The following SOX13 variants were observed in gnomAD, a reference collection of about 807,000 sequenced individuals.
SOX13 encodes transcription factor SOX-13.
A neutral mutation model predicts 71.8 loss-of-function variants in SOX13; 28 were observed. The ratio of observed to expected loss-of-function variants is 0.39; its 90% CI spans 0.29 to 0.53. SOX13 has a LOEUF of 0.53. Among genes scored for constraint, SOX13 ranks in the 20% least tolerant of loss-of-function variants. SOX13 has a pLI of 0.70. For missense variants in SOX13, 627 were observed against 810.3 expected, an observed-to-expected ratio of 0.77 and a Z score of 2.75; for synonymous variants, 309 against 317.8, an observed-to-expected ratio of 0.97 and a Z score of 0.29.
chr1:204,075,100 A>G (rs1558207213), intron 1 of SOX13, among the ~76,000 whole-genome samples: 1 of 152,156 alleles, frequency 6.6e-6, no homozygotes, highest in Non-Finnish European at 1.5e-5. Flanking sequence ...TATCCCCCAA[A>G]GGATCACGAC....
chr1:204,101,504 T>TAAA (rs781502804), intron 1 of SOX13, among the ~76,000 whole-genome samples: 2 of 134,588 alleles, frequency 1.5e-5, no homozygotes, highest in African/African-American at 2.9e-5. Context: ...CCTCTTTATT[T>TAAA]AAAAAAAAAA....
At chr1:204,118,259 C>T (rs978418645) in intron 7 of SOX13, 1 of 149,830 alleles carries the variant, frequency 6.7e-6, no homozygotes, top group Non-Finnish European at 1.5e-5. Context: ...TGCACTCCAG[C>T]CTAGGTGACA....
At chr1:204,095,522 C>T (rs535140283) in intron 1 of SOX13, among the ~76,000 whole-genome samples, 2 of 152,148 alleles carry the variant, frequency 1.3e-5, no homozygotes, top group African/African-American at 4.8e-5. Flanking sequence ...GGCAGCCGCT[C>T]TCCAGCCCTG....
At chr1:204,105,639 C>T (rs1656454801) in intron 1 of SOX13, among the ~76,000 whole-genome samples, 1 of 152,098 alleles carries the variant, frequency 6.6e-6, no homozygotes, top group African/African-American at 2.4e-5. Context: ...CCCCTGACCT[C>T]AGGTGATCAA....
intron 1 of SOX13, among the ~76,000 whole-genome samples, chr1:204,092,389 CCACTGCAGCCTTGACCTCCTAGGCT>C (rs779793858): frequency 2.6e-5 from 4 of 151,566 alleles, no homozygotes; most frequent in South Asian, 2.1e-4. Context: ...TGATCATGGC[CCACTGCAGCCTTGACCTCCTAGGCT>C]CAAGCAGTCC....
chr1:204,108,244 C>T (rs184561832), intron 1 of SOX13, among the ~76,000 whole-genome samples: 12 of 152,304 alleles, frequency 7.9e-5, no homozygotes, highest in Non-Finnish European at 1.2e-4. Flanking sequence ...TAATCAGTAA[C>T]CATTACTAAT....
chr1:204,094,476 G>T (rs542531548), intron 1 of SOX13, among the ~76,000 whole-genome samples: 2 of 152,326 alleles, frequency 1.3e-5, no homozygotes, highest in Admixed American at 1.3e-4. Context: ...TGACCCCATT[G>T]TTGACCCCCT....
intron 1 of SOX13, among the ~76,000 whole-genome samples, chr1:204,090,625 G>T (rs1656122676): frequency 6.6e-6 from 1 of 151,960 alleles, no homozygotes; most frequent in Non-Finnish European, 1.5e-5. Flanking sequence ...TGGCCAGGCT[G>T]GTCTTGAACT....
intron 2 of SOX13, among the ~76,000 whole-genome samples, chr1:204,113,707 G>A: frequency 6.6e-6 from 1 of 152,078 alleles, no homozygotes; most frequent in East Asian, 1.9e-4. Context: ...AAAGAATCCA[G>A]CCTGGAGGAA....
chr1:204,114,732 T>C, intron 4 of SOX13, 127 bp downstream of exon 4: 1 of 736,400 alleles, frequency 1.4e-6, no homozygotes, highest in East Asian at 2.6e-5. Flanking sequence ...GGCTCCTGCC[T>C]GGCCTTAGGG....
chr1:204,124,776 A>G lies in SOX13; in HGVS notation c.1511A>G (p.Glu504Gly). Reference sequence around the variant, plus strand: ...CGGCCCAAGCGCACCTGCATCGTGGAGGGCAAGCGGCTGCGCGTGGGAGAG... The same window carrying G: ...CGGCCCAAGCGCACCTGCATCGTGGGGGGCAAGCGGCTGCGCGTGGGAGAG... ...KPRPKRTCIV[E>G]GKRLRVGEYK... is the part of the protein sequence containing the mutation. The change falls in exon 13 of 14, where the codon GAG becomes GGG. Residue 504 changes from glutamate (E) to glycine (G), a missense_variant. This residue lies in a region of SOX13 where 148 missense variants were observed against 192.7 expected (regional missense o/e 0.77). Transcript: ENST00000367204. 3 of 1,603,966 alleles carry G rather than the reference A, an allele frequency of 1.9e-6. No homozygotes were observed. The highest frequency in any genetic ancestry group is 2.6e-6 in the Non-Finnish European group (3 of 1,175,714).
At chr1:204,105,413 C>CTTTTTTTTTTTTTTTTTTTT (rs35841451) in intron 1 of SOX13, among the ~76,000 whole-genome samples, 1 of 137,964 alleles carries the variant, frequency 7.2e-6, no homozygotes, top group African/African-American at 3.1e-5. Flanking sequence ...TGTATAATCT[C>CTTTTTTTTTTTTTTTTTTTT]TTTTTTTTTT....
chr1:204,115,391 C>A (rs541731369), intron 4 of SOX13, among the ~76,000 whole-genome samples: 1 of 151,334 alleles, frequency 6.6e-6, no homozygotes, highest in African/African-American at 2.4e-5. Context: ...GGCTCCACCC[C>A]CACCTATTGA....
intron 1 of SOX13, among the ~76,000 whole-genome samples, chr1:204,105,423 T>TTTTTTTTTTTTTTA (rs1558216528): frequency 2.7e-5 from 4 of 149,810 alleles, no homozygotes; most frequent in Non-Finnish European, 1.5e-5. Context: ...CTTTTTTTTT[T>TTTTTTTTTTTTTTA]GAGACAGAGT....
rs1410683426 is a variant in SOX13 at position 204,124,652 on chromosome 1, A to G, written c.1387A>G (p.Lys463Glu). Reference protein sequence around the residue: ...SISKILGSRWKSMTNQEKQPY... With the variant: ...SISKILGSRWESMTNQEKQPY... ...GGGGGTTGGGTCAGGATCTCGCTGG[A>G]AGTCCATGACCAACCAGGAGAAGCA... The change falls in exon 13 of 14, where the codon AAG (lysine) becomes GAG (glutamate). Residue 463 changes from lysine to glutamate, a missense_variant. Coordinates refer to ENST00000367204, the MANE Select transcript of SOX13 (RefSeq NM_005686.3). 6.2e-7 allele frequency: 1 copy of G among 1,611,670 alleles called. No individual in the cohort carries two copies.
intron 1 of SOX13, among the ~76,000 whole-genome samples, chr1:204,094,923 G>T (rs1656221248): frequency 6.6e-6 from 1 of 152,156 alleles, no homozygotes; most frequent in Admixed American, 6.5e-5. Flanking sequence ...CAGCATCTGT[G>T]ACCTCAAATG....
intron 1 of SOX13, among the ~76,000 whole-genome samples, chr1:204,101,853 G>T (rs1486524915): frequency 1.3e-5 from 2 of 151,948 alleles, no homozygotes; most frequent in Non-Finnish European, 2.9e-5. Flanking sequence ...GCCCATTACA[G>T]TTGTTCATCA....
At position 204,127,626 on chromosome 1, in the gene SOX13, G is replaced by T. The variant is rs1656947069; in HGVS notation, c.*1492G>T. ...TTTTATGACTGTAAACATAGATAGT[G>T]CTTTATTTTGTTAATAATAAGATAA... On this transcript the variant is annotated 3_prime_UTR_variant, in exon 14 of 14. Coordinates refer to ENST00000367204, the MANE Select transcript of SOX13 (RefSeq NM_005686.3). 6.6e-6 allele frequency: 1 copy of T among 152,546 alleles called. No homozygotes were observed. The highest frequency in any genetic ancestry group is 6.5e-5 in the Admixed American group (1 of 15,276). The allele number at this position is 152,546 out of a possible 1,614,324, so 9.4% of individuals were successfully genotyped here. A position where few individuals can be genotyped will look rare whatever the true frequency, so the allele number is the denominator to read the frequency against.
At position 204,117,714 on chromosome 1, in the gene SOX13, G is replaced by T. The variant is rs1474093578; in HGVS notation, c.775+7G>T. 2 of 1,596,062 alleles carry T rather than the reference G, an allele frequency of 1.3e-6. No homozygotes were observed. The highest frequency in any genetic ancestry group is 3.4e-5 in the Admixed American group (2 of 59,608). ...CCCATTCCCTGCAAACCAGGTGAGT[G>T]TGAGAAGGGAGGTTCCACCACTGCG... On this transcript the variant is annotated splice_region_variant and intron_variant, in intron 7 of 13. Coordinates refer to ENST00000367204, the MANE Select transcript of SOX13 (RefSeq NM_005686.3).
Sources: allele counts gnomAD v4.1 joint callset (sites outside exome capture counted in the v4.1 genomes callset), GRCh38; gene constraint gnomAD v4.1.1; regional missense constraint gnomAD v4.1.1; transcripts MANE v1.5; gene names NCBI Gene and HGNC (gene_info 2026-07-23, HGNC 2026-07-21).